Variants in LARP4B observed in about 807,000 individuals in gnomAD.
LARP4B encodes the protein la-related protein 4B.
A neutral mutation model predicts 89.8 loss-of-function variants in LARP4B; 12 were observed. The observed-to-expected ratio is 0.13, with a 90% confidence interval of 0.09 to 0.22. The LOEUF is 0.22. Ranked by LOEUF, LARP4B falls within the 10% of genes least tolerant of loss-of-function variation. The pLI is 1.00. For missense variants in LARP4B, 757 were observed against 947.7 expected (o/e 0.80, Z 2.64); for synonymous variants, 367 against 363.3 (o/e 1.01, Z -0.12).
chr10:829,240 T>A, intron 11 of LARP4B, 145 bp downstream of exon 11: 1 of 712,096 alleles, frequency 1.4e-6, no homozygotes, highest in Non-Finnish European at 2.3e-6. Context: ...TCAGCTACAT[T>A]TAAAATCCCC....
At chr10:963,478 C>T in the LARP4B span, among the ~76,000 whole-genome samples, 179 of 152,324 alleles carry the variant, frequency 1.2e-3, 2 homozygotes, top group East Asian at 0.03. Flanking sequence ...TGGGCATTTG[C>T]GTGTTCTCCT....
intron 11 of LARP4B, among the ~76,000 whole-genome samples, chr10:827,573 G>A (rs1343140350): frequency 6.6e-6 from 1 of 152,164 alleles, no homozygotes; most frequent in Admixed American, 6.5e-5. Flanking sequence ...CTGCGATGGA[G>A]AGCCCCAGTA....
At chr10:970,486 G>A in the LARP4B span, among the ~76,000 whole-genome samples, 1 of 151,082 alleles carries the variant, frequency 6.6e-6, no homozygotes, top group Non-Finnish European at 1.5e-5. Context: ...GCTCACAAGT[G>A]GGACTGGACT....
At chr10:904,877 C>T (rs949097097) in intron 1 of LARP4B, among the ~76,000 whole-genome samples, 15 of 152,276 alleles carry the variant, frequency 9.9e-5, no homozygotes, top group East Asian at 3.9e-4. Context: ...GAACCAGGCA[C>T]GATGGTGGCA....
At chr10:823,838 A>T (rs1832481689) in intron 13 of LARP4B, among the ~76,000 whole-genome samples, 1 of 152,078 alleles carries the variant, frequency 6.6e-6, no homozygotes, top group South Asian at 2.1e-4. Flanking sequence ...TGCATCTCCA[A>T]GGCCTGTTGA....
chr10:977,248 G>A, the LARP4B span, among the ~76,000 whole-genome samples: 1 of 152,050 alleles, frequency 6.6e-6, no homozygotes, highest in Non-Finnish European at 1.5e-5. Flanking sequence ...CTACTTCCTG[G>A]GCTCAAATGA....
At chr10:851,111 C>T (rs1232816348) in intron 5 of LARP4B, among the ~76,000 whole-genome samples, 1 of 149,012 alleles carries the variant, frequency 6.7e-6, no homozygotes. Flanking sequence ...ATATTACAAA[C>T]ATCAGAAGAA....
chr10:877,058 A>G (rs1319519523), intron 3 of LARP4B, among the ~76,000 whole-genome samples: 2 of 152,146 alleles, frequency 1.3e-5, no homozygotes, highest in African/African-American at 2.4e-5. Context: ...CAGAGGTCCG[A>G]GGCGGCTCTG....
At chr10:855,865 A>G (rs1016203574) in intron 5 of LARP4B, among the ~76,000 whole-genome samples, 9 of 152,246 alleles carry the variant, frequency 5.9e-5, no homozygotes, top group African/African-American at 2.2e-4. Flanking sequence ...ACTGGAGTCA[A>G]AGCGGGCTAG....
chr10:983,411 C>T, the LARP4B span, among the ~76,000 whole-genome samples: 1 of 152,324 alleles, frequency 6.6e-6, no homozygotes, highest in East Asian at 1.9e-4. Flanking sequence ...GCTGCCATAA[C>T]AAAATACCAG....
chr10:931,142 C>A (rs1830590352), intron 1 of LARP4B, among the ~76,000 whole-genome samples: 1 of 149,366 alleles, frequency 6.7e-6, no homozygotes. Flanking sequence ...CCTCGGCCAT[C>A]CTCAGCCCCA....
intron 17 of LARP4B, among the ~76,000 whole-genome samples, chr10:813,560 G>T (rs1386891022): frequency 6.6e-6 from 1 of 152,212 alleles, no homozygotes; most frequent in Non-Finnish European, 1.5e-5. Context: ...CAGGACAACA[G>T]AAGGGTGTCC....
At chr10:977,180 G>T in the LARP4B span, among the ~76,000 whole-genome samples, 1 of 152,038 alleles carries the variant, frequency 6.6e-6, no homozygotes, top group Non-Finnish European at 1.5e-5. Context: ...TACAGACAGG[G>T]TCTGGCTCTG....
At chr10:836,372 C>T (rs376467438) in intron 8 of LARP4B, 31 bp downstream of exon 8, 67 of 1,422,378 alleles carry the variant, frequency 4.7e-5, no homozygotes, top group Non-Finnish European at 4.1e-5. Context: ...GGGAAAATGT[C>T]CAAGTAACCT....
upstream of LARP4B, among the ~76,000 whole-genome samples, chr10:935,705 CTTTTTT>C (rs1198950727): frequency 7.0e-6 from 1 of 143,554 alleles, no homozygotes; most frequent in African/African-American, 2.6e-5. Context: ...TTTTCTTTTT[CTTTTTT>C]CTTTTCTTTT....
intron 14 of LARP4B, chr10:820,472 T>G: frequency 3.6e-6 from 1 of 275,788 alleles, no homozygotes; most frequent in East Asian, 7.1e-5. Flanking sequence ...GACTCTCCGG[T>G]ACAGCTGCCA....
chr10:853,737 G>A (rs1212940168), intron 5 of LARP4B, among the ~76,000 whole-genome samples: 1 of 152,184 alleles, frequency 6.6e-6, no homozygotes, highest in African/African-American at 2.4e-5. Flanking sequence ...GATCATCTGA[G>A]CCTTCAGCAA....
the LARP4B span, among the ~76,000 whole-genome samples, chr10:969,906 G>A: frequency 4.2e-3 from 634 of 152,270 alleles, 7 homozygotes; most frequent in African/African-American, 0.014. Context: ...GTAAGGGACC[G>A]TGAGCATTTT....
At chr10:933,804 T>C (rs1349433841), upstream of LARP4B, among the ~76,000 whole-genome samples, 2 of 152,056 alleles carry the variant, frequency 1.3e-5, no homozygotes, top group Non-Finnish European at 2.9e-5. Context: ...GGTATAAGTC[T>C]AGGAATTCTG....
Sources: gnomAD v4.1 joint callset for allele counts (sites outside exome capture counted in the v4.1 genomes callset) on GRCh38, gnomAD v4.1.1 for gene constraint, MANE v1.5 for transcripts, NCBI Gene and HGNC (gene_info 2026-07-23, HGNC 2026-07-21) for gene names.